CA10: variants seen among roughly 807,000 people sequenced by gnomAD.
The protein encoded by CA10 is carbonic anhydrase-related protein 10.
In CA10, 14 loss-of-function variants were observed where a neutral mutation model predicts 44.2. That is an observed-to-expected ratio of 0.32 (90% CI 0.21 to 0.50). The LOEUF is 0.50. Ranked by LOEUF, CA10 falls within the 20% of genes least tolerant of loss-of-function variation. The pLI, the probability that CA10 is intolerant of heterozygous loss-of-function variation, is 0.99. For missense variants in CA10, 350 were observed against 409.7 expected, an observed-to-expected ratio of 0.85 and a Z score of 1.26; for synonymous variants, 159 against 141.6, an observed-to-expected ratio of 1.12 and a Z score of -0.87.
At chr17:51,805,881 T>C (rs1907112868) in intron 3 of CA10, among the ~76,000 whole-genome samples, 1 of 152,152 alleles carries the variant, frequency 6.6e-6, no homozygotes, top group African/African-American at 2.4e-5. Context: ...CCTTTATGAC[T>C]GAGCAAATGA....
At chr17:51,711,900 C>T (rs1186338396) in intron 4 of CA10, among the ~76,000 whole-genome samples, 3 of 152,196 alleles carry the variant, frequency 2.0e-5, no homozygotes, top group East Asian at 1.9e-4. Flanking sequence ...CCAGGAAAAG[C>T]GGTGGCTGTG....
chr17:51,886,601 TTTA>T (rs1980611695), intron 3 of CA10, among the ~76,000 whole-genome samples: 1 of 152,204 alleles, frequency 6.6e-6, no homozygotes, highest in South Asian at 2.1e-4. Flanking sequence ...GTTGGTTAAT[TTTA>T]TGTGTCAACA....
At chr17:52,112,060 G>T (rs756384124) in intron 1 of CA10, among the ~76,000 whole-genome samples, 2 of 152,084 alleles carry the variant, frequency 1.3e-5, no homozygotes, top group Non-Finnish European at 2.9e-5. Context: ...TCAAGGAAAT[G>T]AATGCCTAAA....
intron 6 of CA10, among the ~76,000 whole-genome samples, chr17:51,639,444 C>G (rs758007362): frequency 6.6e-6 from 1 of 151,946 alleles, no homozygotes; most frequent in Non-Finnish European, 1.5e-5. Context: ...GATTGGGGGC[C>G]GAGGTATAGT....
At chr17:51,638,559 G>A (rs114068254) in intron 6 of CA10, among the ~76,000 whole-genome samples, 4 of 152,212 alleles carry the variant, frequency 2.6e-5, no homozygotes, top group Non-Finnish European at 5.9e-5. Flanking sequence ...GACCTTGGGG[G>A]TTACATCAGG....
chr17:51,936,031 AG>A (rs1381549076), intron 2 of CA10, among the ~76,000 whole-genome samples: 1 of 152,168 alleles, frequency 6.6e-6, no homozygotes, highest in African/African-American at 2.4e-5. Context: ...GCAGGATATT[AG>A]GCACTTGGAA....
chr17:51,735,735 CTGA>C (rs1050613803), intron 4 of CA10, among the ~76,000 whole-genome samples: 12 of 152,112 alleles, frequency 7.9e-5, no homozygotes, highest in African/African-American at 2.4e-4. Context: ...CCTGATTGTG[CTGA>C]TGGTCATCCA....
chr17:51,658,630 TC>T (rs1913888925), intron 4 of CA10, among the ~76,000 whole-genome samples: 1 of 152,144 alleles, frequency 6.6e-6, no homozygotes, highest in East Asian at 1.9e-4. Flanking sequence ...TGAAGGTGGC[TC>T]AAGATGGGAC....
intron 3 of CA10, among the ~76,000 whole-genome samples, chr17:51,866,396 A>G (rs141557727): frequency 2.1e-4 from 32 of 152,150 alleles, no homozygotes; most frequent in African/African-American, 7.2e-4. Flanking sequence ...CTTTGTGGCT[A>G]TTTTTCTTGG....
intron 4 of CA10, among the ~76,000 whole-genome samples, chr17:51,669,662 C>A (rs993920907): frequency 2.6e-5 from 4 of 152,168 alleles, no homozygotes; most frequent in Non-Finnish European, 2.9e-5. Flanking sequence ...ACTCCAGATG[C>A]ACCACCTTTA....
intron 3 of CA10, among the ~76,000 whole-genome samples, chr17:51,828,831 T>A (rs1157008117): frequency 6.6e-6 from 1 of 152,256 alleles, no homozygotes; most frequent in Admixed American, 6.5e-5. Context: ...AGTTGCTTCA[T>A]CTTTTTTGTC....
chr17:51,680,557 C>T (rs1157011155), intron 4 of CA10, among the ~76,000 whole-genome samples: 3 of 152,192 alleles, frequency 2.0e-5, no homozygotes, highest in Non-Finnish European at 2.9e-5. Flanking sequence ...TGGGGAGTGA[C>T]ACTCCCGCAC....
At chr17:52,093,384 G>A (rs940430358) in intron 1 of CA10, among the ~76,000 whole-genome samples, 1 of 152,070 alleles carries the variant, frequency 6.6e-6, no homozygotes, top group African/African-American at 2.4e-5. Context: ...CCTCATCTGA[G>A]GTTTTTCCCT....
chr17:51,677,507 A>G (rs1411994953), intron 4 of CA10, among the ~76,000 whole-genome samples: 1 of 152,152 alleles, frequency 6.6e-6, no homozygotes, highest in African/African-American at 2.4e-5. Context: ...AGAACCATGA[A>G]CCAATGAAAC....
intron 3 of CA10, among the ~76,000 whole-genome samples, chr17:51,852,974 A>T (rs1269967692): frequency 6.6e-6 from 1 of 152,092 alleles, no homozygotes; most frequent in Non-Finnish European, 1.5e-5. Context: ...TAGAAACCCT[A>T]ATTTGTCTAA....
intron 2 of CA10, among the ~76,000 whole-genome samples, chr17:51,984,677 A>G (rs1984768204): frequency 6.6e-6 from 1 of 151,988 alleles, no homozygotes; most frequent in South Asian, 2.1e-4. Flanking sequence ...AAAACAGTAC[A>G]TATTACAACT....
At chr17:51,899,654 G>C (rs1271485173) in intron 3 of CA10, among the ~76,000 whole-genome samples, 1 of 152,066 alleles carries the variant, frequency 6.6e-6, no homozygotes, top group East Asian at 1.9e-4. Context: ...GCATGTTGAA[G>C]TCTCCTACTA....
intron 3 of CA10, among the ~76,000 whole-genome samples, chr17:51,917,065 C>T (rs1982028917): frequency 1.3e-5 from 2 of 152,088 alleles, no homozygotes; most frequent in South Asian, 4.1e-4. Flanking sequence ...CTGGGAATTG[C>T]CCTTGACCTC....
At chr17:51,850,885 A>G (rs1696663911) in intron 3 of CA10, among the ~76,000 whole-genome samples, 1 of 152,190 alleles carries the variant, frequency 6.6e-6, no homozygotes, top group South Asian at 2.1e-4. Flanking sequence ...CAGAAGAGTG[A>G]ATTCATGGGA....
Sources: allele counts gnomAD v4.1 joint callset (sites outside exome capture counted in the v4.1 genomes callset), GRCh38; gene constraint gnomAD v4.1.1; transcripts MANE v1.5; gene names NCBI Gene and HGNC (gene_info 2026-07-23, HGNC 2026-07-21).